RASAL2: variants seen among roughly 807,000 people sequenced by gnomAD.
RASAL2 encodes RAS protein activator like 2, also known as ras GTPase-activating protein nGAP.
RASAL2 carries 58 observed loss-of-function variants against 128.9 expected under a neutral mutation model. The observed-to-expected ratio is 0.45, with a 90% CI of 0.36 to 0.56. The LOEUF (loss-of-function observed/expected upper bound fraction) is 0.56, where lower values mean the gene tolerates loss of function less well. Ranked by LOEUF, RASAL2 falls within the 20% of genes least tolerant of loss-of-function variation. RASAL2 has a pLI of 0.00. For synonymous variants in RASAL2, 561 were observed against 580.8 expected, an observed-to-expected ratio of 0.97 and a Z score of 0.49; for missense variants, 1,360 against 1,601.6, an observed-to-expected ratio of 0.85 and a Z score of 2.57.
chr1:178,389,204 C>CT (rs34906656), intron 3 of RASAL2: 35 of 888,920 alleles, frequency 3.9e-5, no homozygotes, highest in Middle Eastern at 5.8e-4. Context: ...TAGGATGTGG[C>CT]TTTTTTTTCC....
intron 3 of RASAL2, among the ~76,000 whole-genome samples, chr1:178,377,800 G>A (rs1465414300): frequency 6.6e-6 from 1 of 152,072 alleles, no homozygotes; most frequent in African/African-American, 2.4e-5. Flanking sequence ...TGGGTAATTG[G>A]AATTGAAGTA....
chr1:178,191,126 A>G (rs1028337621), intron 1 of RASAL2, among the ~76,000 whole-genome samples: 2 of 152,178 alleles, frequency 1.3e-5, no homozygotes, highest in African/African-American at 4.8e-5. Flanking sequence ...CCTTAATTAA[A>G]ATCATCCAAA....
rs1254701048 is a variant in RASAL2, at chr1:178,105,723, C to G, written c.202+11029C>G. On this transcript the variant is annotated intron_variant, in intron 1 of 17. Coordinates refer to ENST00000367649, the MANE Select transcript of RASAL2 (RefSeq NM_170692.4). ...TTTGAGACGGAGTCTTGTTCTGTCA[C>G]TCAGGCTGGAGTGCTGTGGCTCTAT... Among the ~76,000 whole-genome samples, 78 of 150,328 alleles carry G rather than the reference C, an allele frequency of 5.2e-4. 1 individual carries two copies. The highest frequency in any genetic ancestry group is 5.2e-3 in the Admixed American group (78 of 15,054).
chr1:178,261,648 G>A (rs1295627504), intron 1 of RASAL2, among the ~76,000 whole-genome samples: 3 of 152,218 alleles, frequency 2.0e-5, no homozygotes, highest in Middle Eastern at 3.4e-3. Flanking sequence ...TTGGATGGGC[G>A]TGGTGACTCA....
intron 1 of RASAL2, among the ~76,000 whole-genome samples, chr1:178,249,996 C>A (rs2102080528): frequency 6.6e-6 from 1 of 152,266 alleles, no homozygotes; most frequent in South Asian, 2.1e-4. Context: ...GGTCTGTCAA[C>A]CCCTGTTGTG....
intron 1 of RASAL2, among the ~76,000 whole-genome samples, chr1:178,263,732 A>C (rs1409334252): frequency 6.6e-6 from 1 of 152,186 alleles, no homozygotes; most frequent in African/African-American, 2.4e-5. Context: ...GTTTAAAAAA[A>C]AAAATTGAGA....
intron 1 of RASAL2, among the ~76,000 whole-genome samples, chr1:178,204,167 C>T (rs1455652053): frequency 6.6e-6 from 1 of 152,118 alleles, no homozygotes; most frequent in East Asian, 1.9e-4. Context: ...TTCATTGTAT[C>T]GGCATTTAAG....
chr1:178,264,821 A>G (rs72707004), intron 1 of RASAL2, among the ~76,000 whole-genome samples: 4,112 of 152,268 alleles, frequency 0.027, 88 homozygotes, highest in Non-Finnish European at 0.042. Context: ...GATTAGCTCA[A>G]TCTCCAGCCT....
chr1:178,405,646 T>C (rs1340183826), intron 4 of RASAL2, among the ~76,000 whole-genome samples: 1 of 152,204 alleles, frequency 6.6e-6, no homozygotes, highest in Non-Finnish European at 1.5e-5. Context: ...CCCTAGAGCC[T>C]TCAGAAAGGA....
At chr1:178,267,001 C>T (rs991044442) in intron 1 of RASAL2, among the ~76,000 whole-genome samples, 3 of 152,084 alleles carry the variant, frequency 2.0e-5, no homozygotes, top group Non-Finnish European at 4.4e-5. Context: ...CAGCCCAGCT[C>T]TAAGAGCTGG....
intron 1 of RASAL2, among the ~76,000 whole-genome samples, chr1:178,208,112 A>G (rs1249452476): frequency 6.6e-6 from 1 of 152,268 alleles, no homozygotes; most frequent in Non-Finnish European, 1.5e-5. Flanking sequence ...TAACTGTACA[A>G]ATCGATTGTA....
chr1:178,409,560 G>A (rs1033312584), intron 4 of RASAL2, among the ~76,000 whole-genome samples: 2 of 152,168 alleles, frequency 1.3e-5, no homozygotes, highest in African/African-American at 4.8e-5. Flanking sequence ...GTTAGTGGAG[G>A]ATAAAGTATG....
At chr1:178,157,203 G>T (rs961832104) in intron 1 of RASAL2, among the ~76,000 whole-genome samples, 1 of 151,936 alleles carries the variant, frequency 6.6e-6, no homozygotes, top group Admixed American at 6.6e-5. Context: ...TTGCATTTTG[G>T]CACTTCTGCC....
intron 3 of RASAL2, among the ~76,000 whole-genome samples, chr1:178,346,601 A>C (rs1387139105): frequency 1.3e-5 from 2 of 152,174 alleles, no homozygotes; most frequent in Admixed American, 1.3e-4. Context: ...ATATGCTTTT[A>C]GTATGTTAAG....
chr1:178,273,199 T>G (rs970586072), intron 1 of RASAL2, among the ~76,000 whole-genome samples: 1 of 152,162 alleles, frequency 6.6e-6, no homozygotes, highest in African/African-American at 2.4e-5. Flanking sequence ...AAAAAGTAGG[T>G]TTGCCTAGGA....
chr1:178,407,406 G>A (rs1452988001), intron 4 of RASAL2, among the ~76,000 whole-genome samples: 2 of 152,148 alleles, frequency 1.3e-5, no homozygotes, highest in African/African-American at 4.8e-5. Context: ...TGAGAGCAAG[G>A]AAGGGAATTA....
rs777028905 is a variant in RASAL2 at position 178,452,615 on chromosome 1, A to G, written c.1972A>G (p.Ile658Val). Residue 658 changes from isoleucine (I) to valine (V), a missense_variant, in exon 11 of 18, where the codon ATT (isoleucine) becomes GTT (valine). By Grantham distance (29) the Ile-to-Val change is conservative. Transcript: ENST00000367649. ...DDRTSRTLTL[I>V]AKVIQNLANF... ...CCGCACATCTCGGACTCTAACTCTTATTGCCAAGGTCATTCAGAACCTGGC... is the reference window on the plus strand; with the variant it reads ...CCGCACATCTCGGACTCTAACTCTTGTTGCCAAGGTCATTCAGAACCTGGC... The G allele has an allele frequency of 6.2e-7, 1 of 1,613,974 alleles. No homozygotes were observed. The highest frequency in any genetic ancestry group is 1.1e-5 in the South Asian group (1 of 91,078).
intron 1 of RASAL2, among the ~76,000 whole-genome samples, chr1:178,225,362 A>AT (rs1354648510): frequency 5.3e-5 from 8 of 152,002 alleles, no homozygotes; most frequent in Admixed American, 2.6e-4. Context: ...ATAACAACAC[A>AT]TTTTTTCTTG....
At chr1:178,388,794 GT>G (rs1394458565) in intron 3 of RASAL2, among the ~76,000 whole-genome samples, 2 of 152,202 alleles carry the variant, frequency 1.3e-5, no homozygotes, top group African/African-American at 2.4e-5. Flanking sequence ...TTCAGTAAAT[GT>G]TTTTTCTTGC....
Sources: allele counts gnomAD v4.1 joint callset (sites outside exome capture counted in the v4.1 genomes callset), GRCh38; gene constraint gnomAD v4.1.1; transcripts MANE v1.5; gene names NCBI Gene and HGNC (gene_info 2026-07-23, HGNC 2026-07-21).